SMAD1: variants seen among roughly 807,000 people sequenced by gnomAD.
The protein encoded by SMAD1 is SMAD family member 1.
A neutral mutation model predicts 41.6 loss-of-function variants in SMAD1; 6 were observed. The observed-to-expected ratio is 0.14, with a 90% confidence interval of 0.08 to 0.28. SMAD1 has a LOEUF of 0.28. SMAD1 is among the 10% of genes least tolerant of loss of function. The pLI is 1.00. For synonymous variants in SMAD1, 206 were observed against 203.2 expected (o/e 1.01, Z -0.12); for missense variants, 379 against 582.6 (o/e 0.65, Z 3.60).
In SMAD1 at chr4:145,558,020, C is replaced by T; in HGVS notation, c.*86C>T. ...TGAGTCAGACACGATTGAGAACTGA[C>T]AAAGGAGCCTTGATAATACTTGACC... On this transcript the variant is annotated 3_prime_UTR_variant, in exon 7 of 7. Coordinates refer to ENST00000302085, the MANE Select transcript of SMAD1 (RefSeq NM_005900.3). The T allele has an allele frequency of 1.1e-6, 1 of 907,604 alleles. No homozygotes were observed. The highest frequency in any genetic ancestry group is 1.5e-6 in the Non-Finnish European group (1 of 656,390). 56.2% of individuals were successfully genotyped at this position (907,604 alleles called of 1,614,324 possible).
intron 1 of SMAD1, among the ~76,000 whole-genome samples, chr4:145,484,252 G>A (rs1728353451): frequency 6.6e-6 from 1 of 152,178 alleles, no homozygotes; most frequent in South Asian, 2.1e-4. Flanking sequence ...AGTCTTACAA[G>A]GCTAATGGAG....
chr4:145,556,040 A>G (rs988337243), intron 6 of SMAD1, among the ~76,000 whole-genome samples: 5 of 152,380 alleles, frequency 3.3e-5, no homozygotes, highest in African/African-American at 7.2e-5. Flanking sequence ...TAAGGACTGC[A>G]TACTTTGTCC....
At chr4:145,539,397 C>T (rs1731794549) in intron 2 of SMAD1, among the ~76,000 whole-genome samples, 2 of 152,168 alleles carry the variant, frequency 1.3e-5, no homozygotes, top group African/African-American at 4.8e-5. Context: ...ATTCAATAAG[C>T]ATTAACTCTT....
At chr4:145,550,707 A>G (rs945288175) in intron 5 of SMAD1, among the ~76,000 whole-genome samples, 1 of 152,188 alleles carries the variant, frequency 6.6e-6, no homozygotes, top group African/African-American at 2.4e-5. Context: ...ATCTTTTAAA[A>G]ATTATGTAAG....
chr4:145,484,040 G>C (rs996565347), intron 1 of SMAD1, among the ~76,000 whole-genome samples: 3 of 152,126 alleles, frequency 2.0e-5, no homozygotes, highest in Non-Finnish European at 4.4e-5. Context: ...TCTCAACTAC[G>C]TTTATTACAT....
Position 145,553,966 on chromosome 4 carries a change from C to G in SMAD1, c.1180C>G (p.Gln394Glu), listed in dbSNP as rs1266724381. The change falls in exon 6 of 7, where the codon CAG becomes GAG. Residue 394 changes from glutamine (Q) to glutamate (E), a missense_variant. Gln to Glu is a conservative substitution (Grantham distance 29). Transcript: ENST00000302085. The stretch of plus-strand genomic sequence containing the variant: ...CCAAGAATTTGCTCAGTTATTGGCA[C>G]AGTCTGTGAACCATGGATTTGAGAC... ...NNQEFAQLLA[Q>E]SVNHGFETVY... 6.2e-7 allele frequency: 1 copy of G among 1,613,702 alleles called. No homozygotes were observed. Among genetic ancestry groups the G allele is most frequent in the African/African-American group, 1.3e-5 (1 of 74,890 alleles).
chr4:145,546,872 C>T lies in SMAD1; in HGVS notation c.945C>T (p.Ser315=). Residue 315 remains serine (S), a synonymous_variant, in exon 5 of 7, where the codon TCC becomes TCT. Transcript: ENST00000302085. ...NKNRFCLGLL[S]NVNRNSTIEN... ...ACCGTTTCTGCCTTGGGCTGCTCTC[C>T]AATGTTAACCGGAATTCCACTATTG... 1.9e-6 allele frequency: 3 copies of T among 1,614,156 alleles called. No individual in the cohort carries two copies.
rs761235149 is a variant in SMAD1, at chr4:145,553,974, G to A, written c.1188G>A (p.Val396=). ...TTGCTCAGTTATTGGCACAGTCTGT[G>A]AACCATGGATTTGAGACAGTCTATG... The part of the protein sequence containing the change: ...QEFAQLLAQS[V]NHGFETVYEL... The change falls in exon 6 of 7, where the codon GTG becomes GTA. Residue 396 remains valine, a synonymous_variant. Transcript: ENST00000302085. 9 of 1,613,944 alleles carry A rather than the reference G, an allele frequency of 5.6e-6. No individual in the cohort carries two copies. The highest frequency in any genetic ancestry group is 3.3e-5 in the South Asian group (3 of 91,072).
chr4:145,488,613 C>G (rs1194508275), intron 1 of SMAD1, among the ~76,000 whole-genome samples: 1 of 151,884 alleles, frequency 6.6e-6, no homozygotes, highest in African/African-American at 2.4e-5. Flanking sequence ...GAGACTCTCT[C>G]AACGGTTATA....
intron 6 of SMAD1, among the ~76,000 whole-genome samples, chr4:145,555,556 T>A (rs191506114): frequency 7.0e-4 from 106 of 152,316 alleles, no homozygotes; most frequent in African/African-American, 2.4e-3. Context: ...GAGAATTTAT[T>A]ACTTTAATGT....
intron 2 of SMAD1, among the ~76,000 whole-genome samples, chr4:145,527,584 G>T (rs1560748456): frequency 6.6e-6 from 1 of 152,094 alleles, no homozygotes; most frequent in South Asian, 2.1e-4. Context: ...CTACTGATAT[G>T]TAGAATTTGA....
At chr4:145,497,593 AAGG>A (rs1256638592) in intron 1 of SMAD1, 2 of 152,196 alleles carry the variant, frequency 1.3e-5, no homozygotes, top group African/African-American at 4.8e-5. Flanking sequence ...TGAGCGTGTA[AAGG>A]AGGAGAACTT....
intron 1 of SMAD1, among the ~76,000 whole-genome samples, chr4:145,498,780 A>T (rs546039885): frequency 6.6e-6 from 1 of 152,218 alleles, no homozygotes. Flanking sequence ...AGTATTGTAC[A>T]TGAAAGTCCA....
At position 145,549,910 on chromosome 4, in the gene SMAD1, A is replaced by G. The variant is rs537613254; in HGVS notation, c.997+2986A>G. ...GTGGTCTGTAAACCTCTGAAATTGTATGTAAACACAATTTTGCATACATTT... is the reference window on the plus strand; with the variant it reads ...GTGGTCTGTAAACCTCTGAAATTGTGTGTAAACACAATTTTGCATACATTT... On this transcript the variant is annotated intron_variant, in intron 5 of 6. Coordinates refer to ENST00000302085, the MANE Select transcript of SMAD1 (RefSeq NM_005900.3). 1.8e-4 allele frequency among the ~76,000 whole-genome samples: 28 copies of G among 152,316 alleles called. No individual in the cohort carries two copies. The South Asian group carries it at 3.3e-3, about 18-fold the overall frequency.
chr4:145,535,677 G>T (rs973232805), intron 2 of SMAD1, among the ~76,000 whole-genome samples: 6 of 152,130 alleles, frequency 3.9e-5, no homozygotes, highest in Admixed American at 2.6e-4. Flanking sequence ...AATGAAATTG[G>T]TGACCCTAGG....
At chr4:145,494,662 C>T (rs1291546935) in intron 1 of SMAD1, among the ~76,000 whole-genome samples, 1 of 152,156 alleles carries the variant, frequency 6.6e-6, no homozygotes, top group African/African-American at 2.4e-5. Flanking sequence ...CTGTTAATAT[C>T]CAGCAACATT....
At chr4:145,523,386 A>G (rs1730859901) in intron 2 of SMAD1, among the ~76,000 whole-genome samples, 1 of 152,206 alleles carries the variant, frequency 6.6e-6, no homozygotes, top group African/African-American at 2.4e-5. Context: ...GTGATGGGAT[A>G]TATGTGTATG....
In SMAD1 at chr4:145,483,931, A is replaced by G. The variant is rs1040354981; in HGVS notation, c.-177+1893A>G. On this transcript the variant is annotated intron_variant, in intron 1 of 6. Coordinates refer to ENST00000302085, the MANE Select transcript of SMAD1 (RefSeq NM_005900.3). The stretch of plus-strand genomic sequence containing the variant: ...ACCTTTGTGTTTTAGAGAAATGACA[A>G]TTTTTAGGCAATTAAAGACATTGGC... Among the ~76,000 whole-genome samples, 8 of 152,240 alleles carry G rather than the reference A, an allele frequency of 5.3e-5. No individual in the cohort carries two copies. In the East Asian group the frequency reaches 5.8e-4, roughly 11 times the overall value.
intron 3 of SMAD1, 107 bp downstream of exon 3, chr4:145,540,168 G>A: frequency 1.6e-6 from 2 of 1,289,844 alleles, no homozygotes; most frequent in Non-Finnish European, 2.2e-6. Context: ...TTCAGCCCTG[G>A]TATATGACAT....
Sources: allele counts gnomAD v4.1 joint callset (sites outside exome capture counted in the v4.1 genomes callset), GRCh38; gene constraint gnomAD v4.1.1; transcripts MANE v1.5; gene names NCBI Gene and HGNC (gene_info 2026-07-23, HGNC 2026-07-21).